TMPRSS9: variants seen among roughly 807,000 people sequenced by gnomAD.
TMPRSS9 encodes transmembrane protease serine 9.
In TMPRSS9, 113 loss-of-function variants were observed where a neutral mutation model predicts 111.4. The ratio of observed to expected loss-of-function variants is 1.01; its 90% confidence interval spans 0.87 to 1.19. The LOEUF (loss-of-function observed/expected upper bound fraction) is 1.19, where lower values mean the gene tolerates loss of function less well. TMPRSS9 is among the 50% of genes most tolerant of loss of function. The pLI is 0.00. For missense variants in TMPRSS9, 1,803 were observed against 1,513.1 expected (o/e 1.19, Z -3.18); for synonymous variants, 805 against 659.1 (o/e 1.22, Z -3.39).
At chr19:2,390,091 C>T (rs528134445) in intron 1 of TMPRSS9, among the ~76,000 whole-genome samples, 164 bp downstream of exon 2, 272 of 152,154 alleles carry the variant, frequency 1.8e-3, no homozygotes, top group Non-Finnish European at 2.8e-3. Context: ...GGGAGTGGAG[C>T]AGATGAGTTC....
At chr19:2,413,647 T>C in intron 9 of TMPRSS9, 53 bp from the exon 11 acceptor site, 1 of 1,552,150 alleles carries the variant, frequency 6.4e-7, no homozygotes. Flanking sequence ...GTAGCACTGG[T>C]GTCTGGACTG....
intron 17 of TMPRSS9, 123 bp from the exon 19 acceptor site, chr19:2,425,804 C>CAGAT (rs1245627805): frequency 2.9e-6 from 4 of 1,372,976 alleles, no homozygotes; most frequent in Admixed American, 2.5e-5. Context: ...GCCCATTTTC[C>CAGAT]AGATAGTGAA....
At chr19:2,369,181 C>T (rs1449507786) in intron 1 of TMPRSS9, among the ~76,000 whole-genome samples, 1 of 152,002 alleles carries the variant, frequency 6.6e-6, no homozygotes, top group Non-Finnish European at 1.5e-5. Context: ...AAACTCCTGA[C>T]TTCAGGTGAT....
chr19:2,396,321 A>G (rs935781148), intron 1 of TMPRSS9: 12 of 509,702 alleles, frequency 2.4e-5, no homozygotes, highest in African/African-American at 5.8e-5. Context: ...GGTGGCTGTC[A>G]TAGAATTCGG....
intron 1 of TMPRSS9, among the ~76,000 whole-genome samples, chr19:2,375,049 G>C (rs1313296358): frequency 1.3e-5 from 2 of 152,144 alleles, no homozygotes; most frequent in Non-Finnish European, 2.9e-5. Flanking sequence ...CTTCCCTGGT[G>C]GAGACTCCTG....
intron 8 of TMPRSS9, among the ~76,000 whole-genome samples, chr19:2,409,925 A>G (rs1223479557): frequency 6.6e-6 from 1 of 151,992 alleles, no homozygotes; most frequent in Non-Finnish European, 1.5e-5. Flanking sequence ...GGCTGACCTG[A>G]GGCCAACTTG....
chr19:2,365,190 G>A (rs751783364), intron 1 of TMPRSS9, among the ~76,000 whole-genome samples: 5 of 151,822 alleles, frequency 3.3e-5, no homozygotes, highest in African/African-American at 1.2e-4. Context: ...CATGTTTATC[G>A]GCGTCTTCCC....
Position 2,405,440 on chromosome 19 carries a change from G to C in TMPRSS9, c.737G>C (p.Gly246Ala), listed in dbSNP as rs765660113. 1.2e-6 allele frequency: 2 copies of C among 1,608,314 alleles called. No individual in the cohort carries two copies. The highest frequency in any genetic ancestry group is 3.4e-5 in the Admixed American group (2 of 58,746). ...GTGGGCGGCATGGAAGCATCCCCGGGGGAGTTTCCGTGGCAAGCCAGCCTT... is the reference window on the plus strand; with the variant it reads ...GTGGGCGGCATGGAAGCATCCCCGGCGGAGTTTCCGTGGCAAGCCAGCCTT... Residue 246 changes from glycine to alanine, a missense_variant, in exon 7 of 18, where the codon GGG becomes GCG. Transcript: ENST00000648592.
At chr19:2,422,207 T>C in exon 14 of TMPRSS9, 2 of 1,527,450 alleles carry the variant, frequency 1.3e-6, no homozygotes, top group Non-Finnish European at 1.8e-6. Context: ...AGACGCCATT[T>C]CCAGACGCCC....
chr19:2,376,359 G>A (rs557526019), intron 1 of TMPRSS9, among the ~76,000 whole-genome samples: 1 of 152,100 alleles, frequency 6.6e-6, no homozygotes, highest in Non-Finnish European at 1.5e-5. Context: ...TTGCAGAGTC[G>A]CTTTGGCCAT....
chr19:2,387,937 C>T (rs925687387), upstream of TMPRSS9, among the ~76,000 whole-genome samples: 2 of 152,160 alleles, frequency 1.3e-5, no homozygotes, highest in African/African-American at 4.8e-5. Flanking sequence ...CCAGTCCCTC[C>T]AGACGGGATG....
Position 2,408,467 on chromosome 19 carries a change from C to A in TMPRSS9, c.954C>A (p.Tyr318Ter), listed in dbSNP as rs1568183384. 1 of 1,613,832 alleles carries A rather than the reference C, an allele frequency of 6.2e-7. No homozygotes were observed. Among genetic ancestry groups the A allele is most frequent in the Non-Finnish European group, 8.5e-7 (1 of 1,180,014 alleles). Residue 318 changes from tyrosine (Y) to a stop codon, truncating the protein, a stop_gained, in exon 8 of 18, where the codon TAC (tyrosine) becomes TAA (stop). Transcript: ENST00000648592. LOFTEE classifies it high-confidence loss of function. ...TCCAGATCGTCAAGCACCCCCTGTA[C>A]AACGCGGACACGGCCGACTTTGACG... is the stretch of plus-strand genomic sequence containing the variant.
intron 7 of TMPRSS9, among the ~76,000 whole-genome samples, chr19:2,406,192 G>C (rs1469582098): frequency 1.3e-5 from 2 of 149,434 alleles, no homozygotes; most frequent in Non-Finnish European, 3.0e-5. Context: ...ATTTTTTTTT[G>C]TATTTTTAGT....
intron 4 of TMPRSS9, 26 bp downstream of exon 5, chr19:2,399,219 C>T: frequency 6.4e-7 from 1 of 1,554,252 alleles, no homozygotes; most frequent in African/African-American, 1.4e-5. Context: ...AGACCGAAAC[C>T]CCATCACGAG....
chr19:2,412,439 C>A (rs1432041179), intron 9 of TMPRSS9, among the ~76,000 whole-genome samples: 1 of 152,096 alleles, frequency 6.6e-6, no homozygotes, highest in African/African-American at 2.4e-5. Context: ...TCGCTCAATT[C>A]TTGCCGTGAT....
At chr19:2,382,487 A>ATACT (rs1265635468) in intron 1 of TMPRSS9, among the ~76,000 whole-genome samples, 1 of 152,192 alleles carries the variant, frequency 6.6e-6, no homozygotes, top group African/African-American at 2.4e-5. Context: ...CAAGAGAGAC[A>ATACT]TACTTATACT....
At chr19:2,414,045 A>T in intron 10 of TMPRSS9, 27 bp downstream of exon 11, 3 of 1,518,410 alleles carry the variant, frequency 2.0e-6, no homozygotes, top group Non-Finnish European at 2.7e-6. Context: ...AAGGTAGAAG[A>T]TGATGTACGT....
At chr19:2,393,875 G>A (rs1420961467) in intron 1 of TMPRSS9, among the ~76,000 whole-genome samples, 1 of 136,334 alleles carries the variant, frequency 7.3e-6, no homozygotes, top group Admixed American at 7.5e-5. Flanking sequence ...TCCAACCTGG[G>A]CAACAAAGGG....
intron 1 of TMPRSS9, among the ~76,000 whole-genome samples, chr19:2,393,104 G>A (rs1366575610): frequency 6.6e-6 from 1 of 152,204 alleles, no homozygotes; most frequent in Non-Finnish European, 1.5e-5. Context: ...GAGGATGTGG[G>A]TGGGGCCAGA....
Sources: gnomAD v4.1 joint callset for allele counts (sites outside exome capture counted in the v4.1 genomes callset) on GRCh38, gnomAD v4.1.1 for gene constraint, MANE v1.5 for transcripts, NCBI Gene and HGNC (gene_info 2026-07-23, HGNC 2026-07-21) for gene names.